Variants in VIT observed in about 807,000 individuals in gnomAD.
The protein encoded by VIT is vitrin.
In VIT, 99 loss-of-function variants were observed where a neutral mutation model predicts 78.0. The ratio of observed to expected loss-of-function variants is 1.27; its 90% confidence interval spans 1.08 to 1.50. VIT has a LOEUF of 1.50. VIT is among the 40% of genes most tolerant of loss of function. VIT has a pLI of 0.00. For missense variants in VIT, 1,126 were observed against 875.3 expected (o/e 1.29, Z -3.61); for synonymous variants, 374 against 334.3 (o/e 1.12, Z -1.29).
chr2:36,793,558 C>T (rs144305870), intron 12 of VIT, among the ~76,000 whole-genome samples: 129 of 152,352 alleles, frequency 8.5e-4, no homozygotes, highest in Non-Finnish European at 1.5e-3. Flanking sequence ...GACAAGTCTG[C>T]AGCCACTGTC....
At chr2:36,729,809 C>T (rs1423247818) in intron 3 of VIT, among the ~76,000 whole-genome samples, 1 of 152,172 alleles carries the variant, frequency 6.6e-6, no homozygotes, top group Non-Finnish European at 1.5e-5. Context: ...GAAATGTTGT[C>T]TCAATTCCCC....
chr2:36,801,487 A>C, intron 13 of VIT, 83 bp downstream of exon 13: 1 of 1,232,932 alleles, frequency 8.1e-7, no homozygotes, highest in South Asian at 1.3e-5. Flanking sequence ...TTCTATATAA[A>C]AGGAAAAAAT....
intron 11 of VIT, among the ~76,000 whole-genome samples, chr2:36,784,692 C>T (rs777222908): frequency 6.6e-6 from 1 of 152,256 alleles, no homozygotes; most frequent in Non-Finnish European, 1.5e-5. Flanking sequence ...CCCATAGATA[C>T]TATATCTTAC....
chr2:36,773,763 T>C (rs1476630394), intron 7 of VIT, 28 bp from the exon 8 acceptor site: 2 of 1,509,862 alleles, frequency 1.3e-6, no homozygotes, highest in Admixed American at 2.1e-5. Context: ...ATAAAATTCA[T>C]GCTCTGACCA....
chr2:36,723,059 T>C (rs1666612536), intron 2 of VIT, among the ~76,000 whole-genome samples: 1 of 151,688 alleles, frequency 6.6e-6, no homozygotes, highest in African/African-American at 2.4e-5. Context: ...GAAATAATAA[T>C]TCCTCCATTA....
intron 7 of VIT, among the ~76,000 whole-genome samples, chr2:36,772,043 T>A (rs1328169014): frequency 6.6e-6 from 1 of 152,228 alleles, no homozygotes; most frequent in East Asian, 1.9e-4. Context: ...AGGTGATTGC[T>A]TACTATGCAT....
At chr2:36,708,948 G>C (rs72783126) in intron 1 of VIT, among the ~76,000 whole-genome samples, 24,933 of 152,072 alleles carry the variant, frequency 0.16, 2,433 homozygotes, top group Non-Finnish European at 0.23. Context: ...TCAGAAGTTC[G>C]AGACGAGCGT....
At chr2:36,787,356 C>A in intron 12 of VIT, 80 bp downstream of exon 12, 5 of 1,509,234 alleles carry the variant, frequency 3.3e-6, no homozygotes, top group Admixed American at 2.2e-5. Flanking sequence ...TAATTTTATG[C>A]CACAAATATT....
chr2:36,800,607 T>G (rs570947438), intron 12 of VIT, among the ~76,000 whole-genome samples: 1 of 152,162 alleles, frequency 6.6e-6, no homozygotes, highest in African/African-American at 2.4e-5. Flanking sequence ...TCATCTTGGG[T>G]GCGATGCACA....
At chr2:36,808,417 G>A (rs1445578838) in intron 14 of VIT, 55 bp from the exon 15 acceptor site, 6 of 1,546,512 alleles carry the variant, frequency 3.9e-6, no homozygotes, top group Non-Finnish European at 5.2e-6. Context: ...GCCTAATGGT[G>A]ACACTGGAGG....
chr2:36,801,927 G>A (rs1191392728), intron 13 of VIT, among the ~76,000 whole-genome samples: 1 of 152,128 alleles, frequency 6.6e-6, no homozygotes, highest in Non-Finnish European at 1.5e-5. Flanking sequence ...CATTCTTCAG[G>A]GCAATCAAGT....
intron 11 of VIT, among the ~76,000 whole-genome samples, chr2:36,784,187 G>T (rs2148626636): frequency 6.6e-6 from 1 of 152,332 alleles, no homozygotes; most frequent in South Asian, 2.1e-4. Context: ...AGACATAGTA[G>T]TAGCCTGCAA....
intron 1 of VIT, among the ~76,000 whole-genome samples, chr2:36,697,750 C>T (rs17019460): frequency 0.037 from 5,607 of 152,288 alleles, 141 homozygotes; most frequent in Middle Eastern, 0.13. Flanking sequence ...AAACAACCCA[C>T]AGCATCTTTG....
chr2:36,724,953 T>G (rs78069459), intron 2 of VIT, among the ~76,000 whole-genome samples: 12,217 of 152,268 alleles, frequency 0.08, 826 homozygotes, highest in African/African-American at 0.18. Flanking sequence ...AAAAATATTA[T>G]AGGATTATAG....
At chr2:36,752,946 T>C (rs140599249) in intron 4 of VIT, among the ~76,000 whole-genome samples, 4 of 152,230 alleles carry the variant, frequency 2.6e-5, no homozygotes, top group Non-Finnish European at 2.9e-5. Flanking sequence ...AGCAAAAACA[T>C]GGAATCAACC....
At chr2:36,720,878 C>T (rs188324769) in intron 2 of VIT, among the ~76,000 whole-genome samples, 21 of 152,168 alleles carry the variant, frequency 1.4e-4, no homozygotes, top group Admixed American at 2.6e-4. Context: ...GGTATGGTAG[C>T]GGGCACCTGT....
rs374754058 is a variant in VIT at position 36,768,282 on chromosome 2, A to G, written c.679+997A>G. ...CCCCATCTGTACTAAAAATGCAAAT[A>G]TTAGCCAGGTGTGGTGGCACGTGCC... On this transcript the variant is annotated intron_variant, in intron 7 of 15. Coordinates refer to ENST00000379242, the MANE Select transcript of VIT (RefSeq NM_053276.4). 2.2e-3 allele frequency among the ~76,000 whole-genome samples: 334 copies of G among 152,206 alleles called. 3 individuals are homozygous for G. The highest frequency in any genetic ancestry group is 7.7e-3 in the African/African-American group (319 of 41,526).
intron 3 of VIT, among the ~76,000 whole-genome samples, chr2:36,733,782 C>T (rs535221321): frequency 1.3e-5 from 2 of 152,166 alleles, no homozygotes; most frequent in African/African-American, 4.8e-5. Context: ...AATCAAAAGT[C>T]TGGCCTCTTA....
chr2:36,770,046 T>C (rs1572508424), intron 7 of VIT, among the ~76,000 whole-genome samples: 2 of 152,344 alleles, frequency 1.3e-5, no homozygotes, highest in African/African-American at 4.8e-5. Flanking sequence ...TTATTGCACT[T>C]ATTAAAGATT....
Sources: gnomAD v4.1 joint callset for allele counts (sites outside exome capture counted in the v4.1 genomes callset) on GRCh38, gnomAD v4.1.1 for gene constraint, MANE v1.5 for transcripts, NCBI Gene and HGNC (gene_info 2026-07-23, HGNC 2026-07-21) for gene names.